The following PARD6A variants were observed in gnomAD, a reference collection of about 807,000 sequenced individuals.
The protein encoded by PARD6A is par-6 family cell polarity regulator alpha, also known as partitioning defective 6 homolog alpha.
PARD6A carries 20 observed loss-of-function variants against 21.3 expected under a neutral mutation model. That is an observed-to-expected ratio of 0.94 (90% CI 0.66 to 1.36). PARD6A has a LOEUF of 1.36. Among genes scored for constraint, PARD6A ranks in the 40% most tolerant of loss-of-function variants. PARD6A has a pLI of 0.00. For missense variants in PARD6A, 411 were observed against 482.0 expected (o/e 0.85, Z 1.38); for synonymous variants, 214 against 204.8 (o/e 1.04, Z -0.38).
At position 67,662,223 on chromosome 16, in the gene PARD6A, C is replaced by T. The variant is rs2053033177; in HGVS notation, c.614C>T (p.Thr205Ile). The change falls in exon 3 of 3, where the codon ACA becomes ATA. Residue 205 changes from threonine to isoleucine, a missense_variant. Physicochemically the swap from Thr to Ile is moderately conservative, Grantham distance 89. Transcript: ENST00000458121. This position sits in a 1 kb window ranked among gnomAD's most constrained non-coding sequence, Gnocchi z 6.9. Reference protein sequence around the residue: ...RLVRGGLAESTGLLAVSDEIL... With the variant: ...RLVRGGLAESIGLLAVSDEIL... ...GTACGTGGGGGTCTGGCTGAGAGTA[C>T]AGGGCTGCTGGCGGTCAGTGATGAG... is the stretch of plus-strand genomic sequence containing the variant. 6.2e-7 allele frequency: 1 copy of T among 1,614,090 alleles called. No individual in the cohort carries two copies. The highest frequency in any genetic ancestry group is 1.1e-5 in the South Asian group (1 of 91,084).
rs2053008367 is a variant in PARD6A at position 67,661,192 on chromosome 16, A to G, written c.63+91A>G. The G allele has an allele frequency of 8.5e-7, 1 of 1,180,310 alleles. No individual in the cohort carries two copies. The allele number at this position is 1,180,310 out of a possible 1,614,324, so 73.1% of individuals were successfully genotyped here. ...TTGGTCCCCGCCACCTCTTCCCTCT[A>G]TCCTCCAAGTCCCATTCTGCTTTTC... is the stretch of plus-strand genomic sequence containing the variant. On this transcript the variant is annotated intron_variant, in intron 1 of 2. Coordinates refer to ENST00000458121, the MANE Select transcript of PARD6A (RefSeq NM_001037281.2). The surrounding 1 kb of genome is among the most constrained non-coding windows in gnomAD (Gnocchi z 7.0).
At position 67,662,141 on chromosome 16, in the gene PARD6A, G is replaced by A. The variant is rs373776491; in HGVS notation, c.532G>A (p.Val178Met). 91 of 1,613,836 alleles carry A rather than the reference G, an allele frequency of 5.6e-5. No homozygotes were observed. The highest frequency in any genetic ancestry group is 2.7e-4 in the African/African-American group (20 of 74,942). ...CTTCTACATCCGAGATGGCATGAGC[G>A]TGCGTGTGGCTCCCCAGGGCCTGGA... is the stretch of plus-strand genomic sequence containing the variant. ...LGFYIRDGMS[V>M]RVAPQGLERV... is the part of the protein sequence containing the mutation. The change falls in exon 3 of 3, where the codon GTG becomes ATG. Residue 178 changes from valine to methionine, a missense_variant. Transcript: ENST00000458121. This position sits in a 1 kb window ranked among gnomAD's most constrained non-coding sequence, Gnocchi z 6.9.
In PARD6A at chr16:67,661,903, C is replaced by T; in HGVS notation, c.294C>T (p.Asp98=). ...CCCCCTCTTCTGCAGCAGAAGCTGA[C>T]TCCAGCGGCCTGGCTTTTGCCTCCA... is the stretch of plus-strand genomic sequence containing the variant. ...LRLLVQKREA[D]SSGLAFASNS... is the part of the protein sequence containing the mutation. The change falls in exon 3 of 3, where the codon GAC becomes GAT. Residue 98 remains aspartate (D), a synonymous_variant. Coordinates refer to ENST00000458121, the MANE Select transcript of PARD6A (RefSeq NM_001037281.2). The surrounding 1 kb of genome is among the most constrained non-coding windows in gnomAD (Gnocchi z 7.0). The T allele has an allele frequency of 6.3e-7, 1 of 1,592,600 alleles. No homozygotes were observed. Among genetic ancestry groups the T allele is most frequent in the Non-Finnish European group, 8.5e-7 (1 of 1,172,468 alleles).
chr16:67,661,845 C>G lies in PARD6A; in HGVS notation c.287-51C>G, dbSNP rs1280931490. 1 of 1,541,038 alleles carries G rather than the reference C, an allele frequency of 6.5e-7. No homozygotes were observed. The highest frequency in any genetic ancestry group is 8.7e-7 in the Non-Finnish European group (1 of 1,151,112). On this transcript the variant is annotated intron_variant, in intron 2 of 2. Transcript: ENST00000458121. The surrounding 1 kb of genome is among the most constrained non-coding windows in gnomAD (Gnocchi z 7.0). Reference sequence around the variant, plus strand: ...GCTACAGTGCCCCCTGTAAACAGCCCAAGTCGGGGAGCAGGTCTCTGATCT... The same window carrying G: ...GCTACAGTGCCCCCTGTAAACAGCCGAAGTCGGGGAGCAGGTCTCTGATCT...
Position 67,662,422 on chromosome 16 carries a change from G to A in PARD6A, c.813G>A (p.Gly271=), listed in dbSNP as rs371282916. The A allele has an allele frequency of 8.1e-6, 13 of 1,613,718 alleles. No individual in the cohort carries two copies. The East Asian group carries it at 2.5e-4, about 30-fold the overall frequency. ...RLTGPPSAGP[G]PAEPDSDDDS... is the part of the protein sequence containing the mutation. ...CAGGTCCTCCCTCTGCAGGGCCTGG[G>A]CCTGCTGAGCCTGATAGTGACGATG... The change falls in exon 3 of 3, where the codon GGG becomes GGA. Residue 271 remains glycine, a synonymous_variant. Coordinates refer to ENST00000458121, the MANE Select transcript of PARD6A (RefSeq NM_001037281.2). The surrounding 1 kb of genome is among the most constrained non-coding windows in gnomAD (Gnocchi z 6.9).
chr16:67,662,100 C>G lies in PARD6A; in HGVS notation c.491C>G (p.Ser164Ter). 2 of 1,613,756 alleles carry G rather than the reference C, an allele frequency of 1.2e-6. No individual in the cohort carries two copies. Residue 164 changes from serine to a stop codon, truncating the protein, a stop_gained, in exon 3 of 3, where the codon TCA (serine) becomes TGA (stop). Transcript: ENST00000458121. LOFTEE classifies it high-confidence loss of function. This position sits in a 1 kb window ranked among gnomAD's most constrained non-coding sequence, Gnocchi z 6.9. ...CGGGTGCGGCTGCACAAGCATGGTT[C>G]AGACCGCCCCCTGGGCTTCTACATC... ...HRRVRLHKHGSDRPLGFYIRD... is the reference protein window; with the variant it reads ...HRRVRLHKHG
rs892558117 is a variant in PARD6A at position 67,662,126 on chromosome 16, C to T, written c.517C>T (p.Arg173Ter). ...GSDRPLGFYIRDGMSVRVAPQ... is the reference protein window; with the variant it reads ...GSDRPLGFYI ...AGACCGCCCCCTGGGCTTCTACATC[C>T]GAGATGGCATGAGCGTGCGTGTGGC... The change falls in exon 3 of 3, where the codon CGA (arginine) becomes TGA (stop). Residue 173 changes from arginine to a stop codon, truncating the protein, a stop_gained. Transcript: ENST00000458121. LOFTEE classifies it high-confidence loss of function. The surrounding 1 kb of genome is among the most constrained non-coding windows in gnomAD (Gnocchi z 6.9). The T allele has an allele frequency of 1.9e-6, 3 of 1,613,748 alleles. No homozygotes were observed. Among genetic ancestry groups the T allele is most frequent in the Non-Finnish European group, 2.5e-6 (3 of 1,179,944 alleles).
In PARD6A at chr16:67,661,627, G is replaced by A. The variant is rs1434534618; in HGVS notation, c.236G>A (p.Arg79Gln). The A allele has an allele frequency of 6.2e-7, 1 of 1,607,180 alleles. No individual in the cohort carries two copies. Among genetic ancestry groups the A allele is most frequent in the Admixed American group, 1.7e-5 (1 of 60,004 alleles). ...CTCACCAACGACGACAGCCTGCACC[G>A]GGCCCTGGCCAGCGGGCCCCCGCCA... Reference protein sequence around the residue: ...LPLTNDDSLHRALASGPPPLR... With the variant: ...LPLTNDDSLHQALASGPPPLR... Residue 79 changes from arginine (R) to glutamine (Q), a missense_variant, in exon 2 of 3, where the codon CGG becomes CAG. Physicochemically the swap from Arg to Gln is conservative, Grantham distance 43. Transcript: ENST00000458121. The surrounding 1 kb of genome is among the most constrained non-coding windows in gnomAD (Gnocchi z 7.0).
Position 67,662,735 on chromosome 16 carries a change from C to T in PARD6A, c.*88C>T. 6 of 1,233,886 alleles carry T rather than the reference C, an allele frequency of 4.9e-6. No individual in the cohort carries two copies. Among genetic ancestry groups the T allele is most frequent in the Admixed American group, 2.9e-5 (1 of 35,024 alleles). The allele number at this position is 1,233,886 out of a possible 1,614,324, so 76.4% of individuals were successfully genotyped here. ...GGGTTTTTAGCTGGCTCACAGGGCT[C>T]CCTCAGCCTGGGGAACATTAAAGGT... On this transcript the variant is annotated 3_prime_UTR_variant, in exon 3 of 3. Coordinates refer to ENST00000458121, the MANE Select transcript of PARD6A (RefSeq NM_001037281.2). This position sits in a 1 kb window ranked among gnomAD's most constrained non-coding sequence, Gnocchi z 6.9.
In PARD6A at chr16:67,661,534, C is replaced by T; in HGVS notation, c.143C>T (p.Ala48Val). The T allele has an allele frequency of 6.2e-7, 1 of 1,610,238 alleles. No homozygotes were observed. ...GFQEFSRLLRAVHQIPGLDVL... is the reference protein window; with the variant it reads ...GFQEFSRLLRVVHQIPGLDVL... Reference sequence around the variant, plus strand: ...CAGGAGTTCTCGCGGTTGCTGCGGGCGGTGCACCAGATCCCGGGCCTGGAC... The same window carrying T: ...CAGGAGTTCTCGCGGTTGCTGCGGGTGGTGCACCAGATCCCGGGCCTGGAC... The change falls in exon 2 of 3, where the codon GCG (alanine) becomes GTG (valine). Residue 48 changes from alanine to valine, a missense_variant. Coordinates refer to ENST00000458121, the MANE Select transcript of PARD6A (RefSeq NM_001037281.2). This position sits in a 1 kb window ranked among gnomAD's most constrained non-coding sequence, Gnocchi z 7.0.
chr16:67,661,578 G>C lies in PARD6A; in HGVS notation c.187G>C (p.Asp63His). The C allele has an allele frequency of 1.2e-6, 2 of 1,610,304 alleles. No individual in the cohort carries two copies. ...CCTGGACGTGCTACTTGGCTATACG[G>C]ATGCTCATGGCGACCTGCTGCCCCT... is the stretch of plus-strand genomic sequence containing the variant. ...PGLDVLLGYT[D>H]AHGDLLPLTN... The change falls in exon 2 of 3, where the codon GAT (aspartate) becomes CAT (histidine). Residue 63 changes from aspartate (D) to histidine (H), a missense_variant. Transcript: ENST00000458121. The surrounding 1 kb of genome is among the most constrained non-coding windows in gnomAD (Gnocchi z 7.0).
In PARD6A at chr16:67,661,976, C is replaced by A. The variant is rs746541439; in HGVS notation, c.367C>A (p.Pro123Thr). ...KKGLLLRPVA[P>T]LRTRPPLLIS... Reference sequence around the variant, plus strand: ...AGGGCTCTTGCTGCGGCCAGTGGCACCCCTGCGCACCCGGCCACCCTTGCT... The same window carrying A: ...AGGGCTCTTGCTGCGGCCAGTGGCAACCCTGCGCACCCGGCCACCCTTGCT... Residue 123 changes from proline to threonine, a missense_variant, in exon 3 of 3, where the codon CCC becomes ACC. By Grantham distance (38) the Pro-to-Thr change is conservative. Transcript: ENST00000458121. The surrounding 1 kb of genome is among the most constrained non-coding windows in gnomAD (Gnocchi z 7.0). 14 of 1,612,770 alleles carry A rather than the reference C, an allele frequency of 8.7e-6. No homozygotes were observed. The highest frequency in any genetic ancestry group is 1.1e-5 in the Non-Finnish European group (13 of 1,180,032).
In PARD6A at chr16:67,661,502, C is replaced by T; in HGVS notation, c.111C>T (p.Ser37=). The change falls in exon 2 of 3, where the codon AGC becomes AGT. Residue 37 remains serine, a synonymous_variant. Coordinates refer to ENST00000458121, the MANE Select transcript of PARD6A (RefSeq NM_001037281.2). This position sits in a 1 kb window ranked among gnomAD's most constrained non-coding sequence, Gnocchi z 7.0. ...RRFALPRASV[S]GFQEFSRLLR... ...TCGCGCTGCCTCGCGCTTCGGTGAGCGGCTTCCAGGAGTTCTCGCGGTTGC... is the reference window on the plus strand; with the variant it reads ...TCGCGCTGCCTCGCGCTTCGGTGAGTGGCTTCCAGGAGTTCTCGCGGTTGC... The T allele has an allele frequency of 1.2e-6, 2 of 1,609,674 alleles. No individual in the cohort carries two copies. Among genetic ancestry groups the T allele is most frequent in the East Asian group, 2.2e-5 (1 of 44,880 alleles).
Position 67,662,294 on chromosome 16 carries a change from C to T in PARD6A, c.685C>T (p.Gln229Ter). The part of the protein sequence containing the change: ...GIEVAGKTLD[Q>*]VTDMMVANSH... ...TGAAGTAGCCGGGAAGACCTTGGAC[C>T]AAGTGACGGACATGATGGTTGCCAA... The change falls in exon 3 of 3, where the codon CAA (glutamine) becomes TAA (stop). Residue 229 changes from glutamine to a stop codon, truncating the protein, a stop_gained. Transcript: ENST00000458121. LOFTEE classifies it high-confidence loss of function. This position sits in a 1 kb window ranked among gnomAD's most constrained non-coding sequence, Gnocchi z 6.9. The T allele has an allele frequency of 6.2e-7, 1 of 1,614,116 alleles. No individual in the cohort carries two copies. Among genetic ancestry groups the T allele is most frequent in the Non-Finnish European group, 8.5e-7 (1 of 1,180,038 alleles).
Position 67,662,344 on chromosome 16 carries a change from C to T in PARD6A, c.735C>T (p.Val245=), listed in dbSNP as rs768687740. 6.2e-6 allele frequency: 10 copies of T among 1,614,112 alleles called. No individual in the cohort carries two copies. The highest frequency in any genetic ancestry group is 1.6e-4 in the Middle Eastern group (1 of 6,062). ...ACAGCCATAACCTCATTGTCACTGT[C>T]AAGCCCGCCAACCAGCGCAATAACG... is the stretch of plus-strand genomic sequence containing the variant. ...VANSHNLIVT[V]KPANQRNNVV... The change falls in exon 3 of 3, where the codon GTC becomes GTT. Residue 245 remains valine, a synonymous_variant. Coordinates refer to ENST00000458121, the MANE Select transcript of PARD6A (RefSeq NM_001037281.2). This position sits in a 1 kb window ranked among gnomAD's most constrained non-coding sequence, Gnocchi z 6.9.
At position 67,662,774 on chromosome 16, in the gene PARD6A, A is replaced by G. The variant is rs1597780126; in HGVS notation, c.*127A>G. The G allele has an allele frequency of 1.1e-6, 1 of 940,028 alleles. No homozygotes were observed. The highest frequency in any genetic ancestry group is 2.7e-5 in the East Asian group (1 of 37,714). 58.2% of individuals were successfully genotyped at this position (940,028 alleles called of 1,614,324 possible). The stretch of plus-strand genomic sequence containing the variant: ...AACATTAAAGGTTTTCTACAAATAC[A>G]GTCATGGTCCTTGTGTGTCCCAGTT... On this transcript the variant is annotated 3_prime_UTR_variant, in exon 3 of 3. Coordinates refer to ENST00000458121, the MANE Select transcript of PARD6A (RefSeq NM_001037281.2). This position sits in a 1 kb window ranked among gnomAD's most constrained non-coding sequence, Gnocchi z 6.9.
chr16:67,662,555 C>G lies in PARD6A; in HGVS notation c.946C>G (p.Arg316Gly). 7 of 1,613,064 alleles carry G rather than the reference C, an allele frequency of 4.3e-6. No homozygotes were observed. Among genetic ancestry groups the G allele is most frequent in the Non-Finnish European group, 5.9e-6 (7 of 1,179,976 alleles). The change falls in exon 3 of 3, where the codon CGC becomes GGC. Residue 316 changes from arginine (R) to glycine (G), a missense_variant. Coordinates refer to ENST00000458121, the MANE Select transcript of PARD6A (RefSeq NM_001037281.2). The surrounding 1 kb of genome is among the most constrained non-coding windows in gnomAD (Gnocchi z 6.9). ...CCCTGGCTGCCGACATCCTGGTACC[C>G]GCAGCTCTCTGCCCTCCCTGGATGA... ...LHPGCRHPGT[R>G]SSLPSLDDQE... is the part of the protein sequence containing the mutation.
In PARD6A at chr16:67,661,908, G is replaced by T. The variant is rs1171797092; in HGVS notation, c.299G>T (p.Ser100Ile). The change falls in exon 3 of 3, where the codon AGC becomes ATC. Residue 100 changes from serine (S) to isoleucine (I), a missense_variant. Coordinates refer to ENST00000458121, the MANE Select transcript of PARD6A (RefSeq NM_001037281.2). The surrounding 1 kb of genome is among the most constrained non-coding windows in gnomAD (Gnocchi z 7.0). Reference protein sequence around the residue: ...LLVQKREADSSGLAFASNSLQ... With the variant: ...LLVQKREADSIGLAFASNSLQ... Reference sequence around the variant, plus strand: ...TCTTCTGCAGCAGAAGCTGACTCCAGCGGCCTGGCTTTTGCCTCCAACTCT... The same window carrying T: ...TCTTCTGCAGCAGAAGCTGACTCCATCGGCCTGGCTTTTGCCTCCAACTCT... 6.3e-7 allele frequency: 1 copy of T among 1,596,580 alleles called. No homozygotes were observed. The highest frequency in any genetic ancestry group is 8.5e-7 in the Non-Finnish European group (1 of 1,174,224).
chr16:67,661,497 G>A lies in PARD6A; in HGVS notation c.106G>A (p.Val36Met), dbSNP rs754074047. The A allele has an allele frequency of 1.2e-6, 2 of 1,609,656 alleles. No homozygotes were observed. The highest frequency in any genetic ancestry group is 2.2e-5 in the South Asian group (2 of 91,086). ...FRRFALPRASVSGFQEFSRLL... is the reference protein window; with the variant it reads ...FRRFALPRASMSGFQEFSRLL... ...ACGCTTCGCGCTGCCTCGCGCTTCG[G>A]TGAGCGGCTTCCAGGAGTTCTCGCG... Residue 36 changes from valine (V) to methionine (M), a missense_variant, in exon 2 of 3, where the codon GTG becomes ATG. Transcript: ENST00000458121. This position sits in a 1 kb window ranked among gnomAD's most constrained non-coding sequence, Gnocchi z 7.0.
Sources: gnomAD v4.1 joint callset for allele counts on GRCh38, gnomAD v4.1.1 for gene constraint, Gnocchi (gnomAD v3.1) non-coding constraint, MANE v1.5 for transcripts, NCBI Gene and HGNC (gene_info 2026-07-23, HGNC 2026-07-21) for gene names.